AGMO: variants seen among roughly 807,000 people sequenced by gnomAD.
AGMO encodes the protein alkylglycerol monooxygenase.
A neutral mutation model predicts 60.2 loss-of-function variants in AGMO; 75 were observed. That is an observed-to-expected ratio of 1.25 (90% CI 1.03 to 1.51). The LOEUF (loss-of-function observed/expected upper bound fraction) is 1.51, where lower values mean the gene tolerates loss of function less well. Ranked by LOEUF, AGMO falls within the 40% of genes most tolerant of loss-of-function variation. The pLI is 0.00. For synonymous variants in AGMO, 261 were observed against 177.1 expected, an observed-to-expected ratio of 1.47 and a Z score of -3.76; for missense variants, 763 against 525.5, an observed-to-expected ratio of 1.45 and a Z score of -4.42.
chr7:15,484,035 G>A (rs1782842652), intron 3 of AGMO, among the ~76,000 whole-genome samples: 2 of 152,056 alleles, frequency 1.3e-5, no homozygotes. Flanking sequence ...ATTTTGGTGA[G>A]TATAATCCCT....
chr7:15,325,998 C>G (rs1012015869), intron 12 of AGMO, among the ~76,000 whole-genome samples: 1 of 152,034 alleles, frequency 6.6e-6, no homozygotes, highest in African/African-American at 2.4e-5. Context: ...TGAGCAGTCA[C>G]TGCAGTAACT....
At chr7:15,490,013 T>C (rs1165716281) in intron 3 of AGMO, among the ~76,000 whole-genome samples, 1 of 152,182 alleles carries the variant, frequency 6.6e-6, no homozygotes, top group African/African-American at 2.4e-5. Context: ...TCCGTGCACA[T>C]GGCACACTGA....
chr7:15,310,095 G>C (rs1361524907), intron 12 of AGMO, among the ~76,000 whole-genome samples: 5 of 152,074 alleles, frequency 3.3e-5, no homozygotes. Context: ...GTTCTTTCTG[G>C]ATTAGCAGCT....
At chr7:15,548,501 G>A (rs900669491) in intron 2 of AGMO, among the ~76,000 whole-genome samples, 6 of 151,982 alleles carry the variant, frequency 3.9e-5, no homozygotes, top group South Asian at 2.1e-4. Context: ...ACCAAGGCTC[G>A]AGAACTACGT....
intron 10 of AGMO, among the ~76,000 whole-genome samples, chr7:15,379,870 C>G (rs1212645744): frequency 6.6e-6 from 1 of 152,026 alleles, no homozygotes; most frequent in Non-Finnish European, 1.5e-5. Flanking sequence ...ACAAATCAGT[C>G]AATGTGATTC....
At chr7:15,131,727 C>G in the AGMO span, among the ~76,000 whole-genome samples, 1 of 150,568 alleles carries the variant, frequency 6.6e-6, no homozygotes, top group African/African-American at 2.4e-5. Context: ...AAGCTGTTAT[C>G]ACACTTAGGC....
At chr7:15,391,059 T>C (rs1013941919) in intron 6 of AGMO, among the ~76,000 whole-genome samples, 154 bp from the exon 7 acceptor site, 6 of 152,148 alleles carry the variant, frequency 3.9e-5, no homozygotes, top group Non-Finnish European at 7.4e-5. Context: ...CATCAGATTT[T>C]ATTGTCTAAT....
chr7:15,322,764 C>A (rs1286581143), intron 12 of AGMO, among the ~76,000 whole-genome samples: 35 of 108,484 alleles, frequency 3.2e-4, no homozygotes, highest in East Asian at 1.2e-3. Flanking sequence ...ATATATATAT[C>A]ACAAAATTAT....
At position 15,364,256 on chromosome 7, in the gene AGMO, A is replaced by G. The variant is rs373965126; in HGVS notation, c.1263+1258T>C. ...ACAAAATTCACCTTTTCTTCCCACAAGCAACATGTTAGGTTTTGTTTATCT... is the reference window on the plus strand; with the variant it reads ...ACAAAATTCACCTTTTCTTCCCACAGGCAACATGTTAGGTTTTGTTTATCT... On this transcript the variant is annotated intron_variant, in intron 12 of 12. Transcript: ENST00000342526. Among the ~76,000 whole-genome samples the G allele has an allele frequency of 1.9e-4, 29 of 152,052 alleles. No individual in the cohort carries two copies. In the South Asian group the frequency reaches 5.8e-3, roughly 30 times the overall value.
chr7:15,186,627 T>C, the AGMO span, among the ~76,000 whole-genome samples: 4 of 152,224 alleles, frequency 2.6e-5, no homozygotes, highest in Non-Finnish European at 5.9e-5. Flanking sequence ...GAGCGTGCTA[T>C]GAATTCTATT....
intron 12 of AGMO, among the ~76,000 whole-genome samples, chr7:15,347,131 T>C (rs1293489488): frequency 2.6e-5 from 4 of 152,060 alleles, no homozygotes; most frequent in Non-Finnish European, 4.4e-5. Context: ...TCCATTTTCC[T>C]GTATTGCAAT....
intron 5 of AGMO, among the ~76,000 whole-genome samples, chr7:15,395,474 G>A (rs560281561): frequency 2.6e-5 from 4 of 152,074 alleles, no homozygotes; most frequent in South Asian, 4.2e-4. Flanking sequence ...GGTATTAATA[G>A]GAAAAAATAT....
At chr7:15,535,162 G>A (rs563977722) in intron 3 of AGMO, among the ~76,000 whole-genome samples, 8 of 151,826 alleles carry the variant, frequency 5.3e-5, no homozygotes, top group African/African-American at 1.9e-4. Flanking sequence ...TGGTTCCAGA[G>A]TCTATTATCT....
intron 3 of AGMO, among the ~76,000 whole-genome samples, chr7:15,446,803 T>C (rs983202325): frequency 6.6e-6 from 1 of 152,214 alleles, no homozygotes; most frequent in African/African-American, 2.4e-5. Context: ...TTTATTTTCA[T>C]GTGTTCTTTC....
chr7:15,146,435 A>C, the AGMO span, among the ~76,000 whole-genome samples: 4 of 152,124 alleles, frequency 2.6e-5, no homozygotes, highest in African/African-American at 9.7e-5. Flanking sequence ...AGGCTTAAAT[A>C]TTGTGTAACT....
chr7:15,452,128 A>G (rs1304857242), intron 3 of AGMO, among the ~76,000 whole-genome samples: 2 of 152,236 alleles, frequency 1.3e-5, no homozygotes, highest in East Asian at 1.9e-4. Context: ...ATAAAACTAT[A>G]TAACTCTTAA....
chr7:15,207,176 C>A (rs1781461201), intron 12 of AGMO, among the ~76,000 whole-genome samples: 1 of 152,140 alleles, frequency 6.6e-6, no homozygotes, highest in African/African-American at 2.4e-5. Context: ...TCTCCAGAGC[C>A]TACCCATAAT....
chr7:15,536,739 T>C (rs943839686), intron 3 of AGMO, among the ~76,000 whole-genome samples: 1 of 151,912 alleles, frequency 6.6e-6, no homozygotes, highest in Non-Finnish European at 1.5e-5. Context: ...ATAAGTGAAG[T>C]CAATAGCTAT....
At chr7:15,393,713 T>C (rs78145342) in intron 6 of AGMO, among the ~76,000 whole-genome samples, 2,153 of 152,244 alleles carry the variant, frequency 0.014, 40 homozygotes, top group African/African-American at 0.048. Flanking sequence ...TCTCCTTAAA[T>C]CAAAACAGTT....
Sources: allele counts gnomAD v4.1 joint callset (sites outside exome capture counted in the v4.1 genomes callset), GRCh38; gene constraint gnomAD v4.1.1; transcripts MANE v1.5; gene names NCBI Gene and HGNC (gene_info 2026-07-23, HGNC 2026-07-21).